The following RNF31 variants were observed in gnomAD, a reference collection of about 807,000 sequenced individuals.
RNF31 encodes ring finger protein 31.
A neutral mutation model predicts 133.6 loss-of-function variants in RNF31; 38 were observed. That is an observed-to-expected ratio of 0.28 (90% confidence interval 0.22 to 0.37). The LOEUF is 0.37. RNF31 is among the 10% of genes least tolerant of loss of function. RNF31 has a pLI of 1.00. For missense variants in RNF31, 1,118 were observed against 1,394.1 expected (o/e 0.80, Z 3.15); for synonymous variants, 582 against 552.3 (o/e 1.05, Z -0.75).
Position 24,150,175 on chromosome 14 carries a change from C to T in RNF31, c.924C>T (p.Ala308=). ...ASAHLPWHCA[A]CAMLNEPWAV... ...CTCATTTGCCCTGGCACTGTGCTGC[C>T]TGTGCCATGCTAAATGAGCCTTGGG... Residue 308 remains alanine, a synonymous_variant, in exon 7 of 21, where the codon GCC becomes GCT. Coordinates refer to ENST00000324103, the MANE Select transcript of RNF31 (RefSeq NM_017999.5). 1 of 1,614,202 alleles carries T rather than the reference C, an allele frequency of 6.2e-7. No individual in the cohort carries two copies. The highest frequency in any genetic ancestry group is 8.5e-7 in the Non-Finnish European group (1 of 1,180,032).
Position 24,147,848 on chromosome 14 carries a change from G to C in RNF31, c.150G>C (p.Gln50His). 1 of 1,610,188 alleles carries C rather than the reference G, an allele frequency of 6.2e-7. No homozygotes were observed. The highest frequency in any genetic ancestry group is 1.3e-5 in the African/African-American group (1 of 75,036). Residue 50 changes from glutamine (Q) to histidine (H), a missense_variant, in exon 1 of 21, where the codon CAG becomes CAC. By Grantham distance (24) the Gln-to-His change is conservative (BLOSUM62 0). Around this residue, in one of 3 missense-constraint regions of RNF31, gnomAD observed 747 missense variants for 827.9 expected, o/e 0.90. Transcript: ENST00000324103. ...SSLPLAARYL[Q>H]LDAARLVRCN... The stretch of plus-strand genomic sequence containing the variant: ...TGCCGCTAGCCGCCCGCTACCTGCA[G>C]CTGGACGCCGCACGCCTTGTCCGCT...
Position 24,150,230 on chromosome 14 carries a change from C to T in RNF31, c.979C>T (p.Arg327Ter), listed in dbSNP as rs765336812. ...GCTCTGTGTGGCCTGTGATCGGCCC[C>T]GAGGCTGTAAGGGGTTGGGGTTGGG... The part of the protein sequence containing the change: ...AVLCVACDRP[R>*]GCKGLGLGTE... The change falls in exon 7 of 21, where the codon CGA (arginine) becomes TGA (stop). Residue 327 changes from arginine (R) to a stop codon, truncating the protein, a stop_gained. Coordinates refer to ENST00000324103, the MANE Select transcript of RNF31 (RefSeq NM_017999.5). LOFTEE classifies it high-confidence loss of function. The T allele has an allele frequency of 1.9e-6, 3 of 1,614,042 alleles. No homozygotes were observed. Among genetic ancestry groups the T allele is most frequent in the East Asian group, 2.2e-5 (1 of 44,898 alleles).
intron 5 of RNF31, 130 bp from the exon 6 acceptor site, chr14:24,149,274 TAA>T: frequency 1.0e-6 from 1 of 992,398 alleles, no homozygotes; most frequent in East Asian, 2.6e-5. Flanking sequence ...CTTTGTTTTT[TAA>T]AAGAGATTAA....
intron 18 of RNF31, among the ~76,000 whole-genome samples, chr14:24,159,512 AAAAAAT>A (rs1294449479): frequency 6.6e-6 from 1 of 151,674 alleles, no homozygotes. Flanking sequence ...GTCTCTATTT[AAAAAAT>A]AAAAATAAAA....
chr14:24,151,171 C>G lies in RNF31; in HGVS notation c.1529C>G (p.Ser510Trp). Reference protein sequence around the residue: ...AAGACPEEIFSALQYSGTEVP... With the variant: ...AAGACPEEIFWALQYSGTEVP... ...GGTGCCTGTCCAGAGGAGATCTTCTCGGCTCTGCAGTACTCGGGCACTGAG... is the reference window on the plus strand; with the variant it reads ...GGTGCCTGTCCAGAGGAGATCTTCTGGGCTCTGCAGTACTCGGGCACTGAG... The change falls in exon 9 of 21, where the codon TCG (serine) becomes TGG (tryptophan). Residue 510 changes from serine to tryptophan, a missense_variant. Coordinates refer to ENST00000324103, the MANE Select transcript of RNF31 (RefSeq NM_017999.5). The surrounding 1 kb of genome is among the most constrained non-coding windows in gnomAD (Gnocchi z 5.3). 6.2e-7 allele frequency: 1 copy of G among 1,614,124 alleles called. No individual in the cohort carries two copies.
chr14:24,147,415 C>G (rs1037603278), upstream of RNF31: 1 of 316,084 alleles, frequency 3.2e-6, no homozygotes, highest in African/African-American at 2.2e-5. Flanking sequence ...TGGCCGCGCC[C>G]CCTGGTTTCC....
rs1186135911 is a variant in RNF31, at chr14:24,151,269, G to A, written c.1627G>A (p.Asp543Asn). ...GGTGGCTGAGCTGGCTGGACAGCAGGACCCTGGGCTGGGTGCCTTTTCCTG... is the reference window on the plus strand; with the variant it reads ...GGTGGCTGAGCTGGCTGGACAGCAGAACCCTGGGCTGGGTGCCTTTTCCTG... ...EMVAELAGQQDPGLGAFSCQE... is the reference protein window; with the variant it reads ...EMVAELAGQQNPGLGAFSCQE... Residue 543 changes from aspartate to asparagine, a missense_variant, in exon 9 of 21, where the codon GAC (aspartate) becomes AAC (asparagine). Asp to Asn is a conservative substitution (Grantham distance 23). This residue lies in a region of RNF31 where 747 missense variants were observed against 827.9 expected (regional missense o/e 0.90). Transcript: ENST00000324103. This position sits in a 1 kb window ranked among gnomAD's most constrained non-coding sequence, Gnocchi z 5.3. 26 of 1,614,230 alleles carry A rather than the reference G, an allele frequency of 1.6e-5. No individual in the cohort carries two copies. Among genetic ancestry groups the A allele is most frequent in the Non-Finnish European group, 2.0e-5 (24 of 1,180,046 alleles).
At chr14:24,158,778 T>A (rs1359476704) in intron 18 of RNF31, 2 of 152,370 alleles carry the variant, frequency 1.3e-5, no homozygotes, top group Non-Finnish European at 2.9e-5. Flanking sequence ...GGCTCATGCC[T>A]GTAATCCCAG....
Position 24,148,131 on chromosome 14 carries a change from C to A in RNF31, c.339+9C>A, listed in dbSNP as rs771142050. The A allele has an allele frequency of 6.2e-7, 1 of 1,614,028 alleles. No individual in the cohort carries two copies. The highest frequency in any genetic ancestry group is 8.5e-7 in the Non-Finnish European group (1 of 1,180,020). On this transcript the variant is annotated intron_variant, in intron 2 of 20. Transcript: ENST00000324103. ...CGGTGGATGCTGTGCAGGTGAATCCCCTGGCCTTATGGGAGAGGGGGCTGG... is the reference window on the plus strand; with the variant it reads ...CGGTGGATGCTGTGCAGGTGAATCCACTGGCCTTATGGGAGAGGGGGCTGG...
At position 24,148,787 on chromosome 14, in the gene RNF31, CCTTT is replaced by C. The variant is rs547710725; in HGVS notation, c.556-9_556-6del. ...CCCTAAACCCTTATTCATTCCCTGC[CCTTT>C]CTTTTTCAGATGCTGCAGCTTTCAG... On this transcript the variant is annotated splice_polypyrimidine_tract_variant and intron_variant, in intron 4 of 20. Transcript: ENST00000324103. 42 of 1,614,072 alleles carry C rather than the reference CCTTT, an allele frequency of 2.6e-5. No homozygotes were observed. In the East Asian group the frequency reaches 8.9e-4, roughly 34 times the overall value.
At chr14:24,147,061 A>T, upstream of RNF31, 1 of 204,714 alleles carries the variant, frequency 4.9e-6, no homozygotes, top group South Asian at 6.6e-5. Flanking sequence ...CAGCTCTTAG[A>T]AGAGAGCGGG....
intron 3 of RNF31, 29 bp from the exon 4 acceptor site, chr14:24,148,613 G>A: frequency 6.2e-7 from 1 of 1,613,294 alleles, no homozygotes; most frequent in Non-Finnish European, 8.5e-7. Context: ...GGGTCTAGCT[G>A]GAAACCGTTT....
intron 3 of RNF31, 42 bp downstream of exon 3, chr14:24,148,455 C>A (rs749152387): frequency 4.3e-6 from 7 of 1,613,202 alleles, no homozygotes; most frequent in Non-Finnish European, 5.9e-6. Context: ...TGCACCAGGG[C>A]TGGGGAGCCC....
chr14:24,155,556 T>C lies in RNF31; in HGVS notation c.2403+44T>C, dbSNP rs1316107688. 6.2e-7 allele frequency: 1 copy of C among 1,613,452 alleles called. No individual in the cohort carries two copies. Among genetic ancestry groups the C allele is most frequent in the African/African-American group, 1.3e-5 (1 of 75,060 alleles). ...GCAGCTACTGTGGAGGGGCAGGGGA[T>C]GGTTCCAGGTCAGGCCTTTGATAAC... is the stretch of plus-strand genomic sequence containing the variant. On this transcript the variant is annotated intron_variant, in intron 13 of 20. Transcript: ENST00000324103. This position sits in a 1 kb window ranked among gnomAD's most constrained non-coding sequence, Gnocchi z 4.9.
Position 24,147,540 on chromosome 14 carries a change from G to A in RNF31, c.-159G>A, listed in dbSNP as rs1045928173. 7.3e-6 allele frequency: 4 copies of A among 551,364 alleles called. No individual in the cohort carries two copies. The highest frequency in any genetic ancestry group is 4.3e-5 in the Admixed American group (1 of 23,046). 34.2% of individuals were successfully genotyped at this position (551,364 alleles called of 1,614,324 possible). ...CGGCTAACCCTGGCGCTGGGCCGGG[G>A]GCTGGAGAGTGACCGTGGTCTGAGT... On this transcript the variant is annotated 5_prime_UTR_variant, in exon 1 of 21. Coordinates refer to ENST00000324103, the MANE Select transcript of RNF31 (RefSeq NM_017999.5).
chr14:24,153,723 G>A lies in RNF31; in HGVS notation c.2131-1434G>A, dbSNP rs148033652. On this transcript the variant is annotated intron_variant, in intron 11 of 20. Coordinates refer to ENST00000324103, the MANE Select transcript of RNF31 (RefSeq NM_017999.5). ...GTTCGAGACCAGCCTGACCAACATGGTGAAACCCTGTCTCTACAAAAAATA... is the reference window on the plus strand; with the variant it reads ...GTTCGAGACCAGCCTGACCAACATGATGAAACCCTGTCTCTACAAAAAATA... 6.6e-3 allele frequency among the ~76,000 whole-genome samples: 1,011 copies of A among 152,112 alleles called. 9 individuals are homozygous for A. The highest frequency in any genetic ancestry group is 0.023 in the African/African-American group (966 of 41,480).
Position 24,150,806 on chromosome 14 carries a change from T to A in RNF31, c.1406T>A (p.Leu469Gln), listed in dbSNP as rs764606147. The A allele has an allele frequency of 1.5e-5, 24 of 1,600,850 alleles. No homozygotes were observed. Among genetic ancestry groups the A allele is most frequent in the Non-Finnish European group, 1.9e-5 (22 of 1,173,180 alleles). ...CCCCCACGACGCCTTAGTGCCCCCC[T>A]GCCCAGTTCCTGTGGAGATCCTGAG... is the stretch of plus-strand genomic sequence containing the variant. ...PGPPRRLSAP[L>Q]PSSCGDPEKQ... Residue 469 changes from leucine to glutamine, a missense_variant, in exon 8 of 21, where the codon CTG (leucine) becomes CAG (glutamine). This residue lies in a region of RNF31 where 747 missense variants were observed against 827.9 expected (regional missense o/e 0.90). Coordinates refer to ENST00000324103, the MANE Select transcript of RNF31 (RefSeq NM_017999.5).
Position 24,148,786 on chromosome 14 carries a change from C to T in RNF31, c.556-15C>T. On this transcript the variant is annotated splice_polypyrimidine_tract_variant and intron_variant, in intron 4 of 20. Transcript: ENST00000324103. ...TCCCTAAACCCTTATTCATTCCCTG[C>T]CCTTTCTTTTTCAGATGCTGCAGCT... is the stretch of plus-strand genomic sequence containing the variant. 1.2e-6 allele frequency: 2 copies of T among 1,614,024 alleles called. No individual in the cohort carries two copies. Among genetic ancestry groups the T allele is most frequent in the Non-Finnish European group, 1.7e-6 (2 of 1,179,946 alleles).
intron 11 of RNF31, among the ~76,000 whole-genome samples, chr14:24,152,557 T>G (rs959264157): frequency 3.4e-5 from 5 of 149,152 alleles, no homozygotes; most frequent in Non-Finnish European, 1.5e-5. Flanking sequence ...TAGCTGGGAT[T>G]ACAGGCACCC....
Sources: allele counts gnomAD v4.1 joint callset (sites outside exome capture counted in the v4.1 genomes callset), GRCh38; gene constraint gnomAD v4.1.1; regional missense constraint gnomAD v4.1.1; non-coding constraint Gnocchi (gnomAD v3.1); transcripts MANE v1.5; gene names NCBI Gene and HGNC (gene_info 2026-07-23, HGNC 2026-07-21).